ERBB4: variants seen among roughly 807,000 people sequenced by gnomAD.
ERBB4 encodes the protein receptor tyrosine-protein kinase erbB-4.
Under a neutral mutation model 158.0 loss-of-function variants are expected in ERBB4, and 42 were observed. That is an observed-to-expected ratio of 0.27 (90% CI 0.21 to 0.34). The LOEUF is 0.34. Among genes scored for constraint, ERBB4 ranks in the 10% least tolerant of loss-of-function variants. The pLI is 1.00. For synonymous variants in ERBB4, 583 were observed against 558.7 expected (o/e 1.04, Z -0.61); for missense variants, 1,333 against 1,624.1 (o/e 0.82, Z 3.08).
At chr2:211,710,973 C>T (rs1370141443) in intron 9 of ERBB4, among the ~76,000 whole-genome samples, 2 of 151,678 alleles carry the variant, frequency 1.3e-5, no homozygotes, top group Non-Finnish European at 2.9e-5. Context: ...CAAATTGTTG[C>T]CATGTAGGAA....
At chr2:211,522,367 T>A (rs2125640919) in intron 20 of ERBB4, among the ~76,000 whole-genome samples, 1 of 152,292 alleles carries the variant, frequency 6.6e-6, no homozygotes, top group East Asian at 1.9e-4. Context: ...AGAGTGGAGC[T>A]TAAAGATGTG....
chr2:211,772,057 T>A (rs536083898), intron 4 of ERBB4, among the ~76,000 whole-genome samples: 1 of 152,232 alleles, frequency 6.6e-6, no homozygotes. Flanking sequence ...CTGAATAGTT[T>A]ACAATGTTTT....
At chr2:211,422,167 T>A in intron 23 of ERBB4, 63 bp from the exon 24 acceptor site, 1 of 1,136,518 alleles carries the variant, frequency 8.8e-7, no homozygotes, top group South Asian at 1.2e-5. Context: ...GAAATTTAAA[T>A]TTTGTGAAAA....
chr2:211,716,464 C>A (rs2073909907), intron 7 of ERBB4, among the ~76,000 whole-genome samples: 2 of 149,496 alleles, frequency 1.3e-5, no homozygotes, highest in South Asian at 4.2e-4. Flanking sequence ...ATCACGAGGT[C>A]AGGAGATCGA....
chr2:211,875,034 A>AAAAAAAAAAAAAAAAAAAAAAT (rs2078457712), intron 3 of ERBB4, among the ~76,000 whole-genome samples: 1 of 127,900 alleles, frequency 7.8e-6, no homozygotes, highest in African/African-American at 2.6e-5. Flanking sequence ...GCAAAAAAAA[A>AAAAAAAAAAAAAAAAAAAAAAT]AAAAAAAAAA....
intron 18 of ERBB4, among the ~76,000 whole-genome samples, chr2:211,622,406 T>C (rs1401812310): frequency 1.3e-5 from 2 of 152,166 alleles, no homozygotes; most frequent in African/African-American, 4.8e-5. Context: ...TCAAATTTAA[T>C]TGAATAAAAT....
chr2:212,127,303 A>T (rs182581085), intron 1 of ERBB4, among the ~76,000 whole-genome samples: 1 of 152,210 alleles, frequency 6.6e-6, no homozygotes, highest in Non-Finnish European at 1.5e-5. Flanking sequence ...TTAAAACATT[A>T]TATTTTTTGC....
At chr2:212,466,021 C>A (rs1688816262) in intron 1 of ERBB4, among the ~76,000 whole-genome samples, 1 of 152,168 alleles carries the variant, frequency 6.6e-6, no homozygotes, top group African/African-American at 2.4e-5. Context: ...ACCAGAGCCA[C>A]CAATTTCTAC....
chr2:212,112,969 A>C (rs1381471158), intron 2 of ERBB4, among the ~76,000 whole-genome samples: 1 of 152,230 alleles, frequency 6.6e-6, no homozygotes, highest in African/African-American at 2.4e-5. Flanking sequence ...TCATAAATTG[A>C]CAAAAATGCA....
chr2:212,170,909 C>T (rs942980335), intron 1 of ERBB4, among the ~76,000 whole-genome samples: 1 of 152,060 alleles, frequency 6.6e-6, no homozygotes, highest in African/African-American at 2.4e-5. Context: ...TGAAATTGGA[C>T]CCCCTCACAG....
chr2:212,153,950 G>T (rs144165452), intron 1 of ERBB4, among the ~76,000 whole-genome samples: 15 of 151,988 alleles, frequency 9.9e-5, no homozygotes, highest in African/African-American at 3.1e-4. Flanking sequence ...AGTACGTATG[G>T]AAAATGGTTC....
At chr2:212,193,650 C>T (rs2082340746) in intron 1 of ERBB4, among the ~76,000 whole-genome samples, 2 of 151,758 alleles carry the variant, frequency 1.3e-5, no homozygotes, top group East Asian at 1.9e-4. Context: ...TCATATTACT[C>T]ATATATGAAT....
chr2:212,373,777 GTATATATCCACGTA>G (rs2090172247), intron 1 of ERBB4, among the ~76,000 whole-genome samples: 2 of 69,188 alleles, frequency 2.9e-5, no homozygotes, highest in South Asian at 5.0e-4. Context: ...ATATATCCAT[GTATATATCCACGTA>G]TATATATCCA....
At chr2:212,185,034 C>CTTTTTTTTTT (rs762121501) in intron 1 of ERBB4, among the ~76,000 whole-genome samples, 1 of 132,574 alleles carries the variant, frequency 7.5e-6, no homozygotes, top group African/African-American at 2.8e-5. Context: ...TTTTTTTTTT[C>CTTTTTTTTTT]TTTTGAGACA....
At chr2:211,986,542 A>G (rs1317847816) in intron 2 of ERBB4, among the ~76,000 whole-genome samples, 2 of 152,202 alleles carry the variant, frequency 1.3e-5, no homozygotes, top group Admixed American at 1.3e-4. Context: ...TTACATCAAA[A>G]TTGATTTCCT....
chr2:212,228,651 A>AT, intron 1 of ERBB4, among the ~76,000 whole-genome samples: 1 of 152,168 alleles, frequency 6.6e-6, no homozygotes, highest in Middle Eastern at 3.4e-3. Flanking sequence ...GCAGATAAAA[A>AT]AAATATATAA....
chr2:211,542,856 A>G (rs1251257320), intron 20 of ERBB4, among the ~76,000 whole-genome samples: 5 of 152,066 alleles, frequency 3.3e-5, no homozygotes, highest in African/African-American at 1.2e-4. Flanking sequence ...CATAAAGTGG[A>G]GCTAATTTAC....
chr2:211,970,335 T>C (rs548362928), intron 2 of ERBB4, among the ~76,000 whole-genome samples: 33 of 152,352 alleles, frequency 2.2e-4, no homozygotes, highest in African/African-American at 7.5e-4. Flanking sequence ...AATTGCCATG[T>C]GGCAATGAGA....
intron 2 of ERBB4, among the ~76,000 whole-genome samples, chr2:211,999,544 C>T (rs914362029): frequency 6.6e-6 from 1 of 151,778 alleles, no homozygotes; most frequent in Non-Finnish European, 1.5e-5. Context: ...ATGACATTAA[C>T]ACATTATTGA....
Sources: allele counts gnomAD v4.1 joint callset (sites outside exome capture counted in the v4.1 genomes callset), GRCh38; gene constraint gnomAD v4.1.1; transcripts MANE v1.5; gene names NCBI Gene and HGNC (gene_info 2026-07-23, HGNC 2026-07-21).